Variants in FGF12 observed in about 807,000 individuals in gnomAD.
FGF12 encodes fibroblast growth factor 12B.
FGF12 carries 14 observed loss-of-function variants against 23.6 expected under a neutral mutation model. The ratio of observed to expected loss-of-function variants is 0.59; its 90% CI spans 0.39 to 0.93. The LOEUF (loss-of-function observed/expected upper bound fraction) is 0.93, where lower values mean the gene tolerates loss of function less well. Ranked by LOEUF, FGF12 falls within the 40% of genes least tolerant of loss-of-function variation. The pLI, the probability that FGF12 is intolerant of heterozygous loss-of-function variation, is 0.00. For synonymous variants in FGF12, 62 were observed against 77.3 expected (o/e 0.80, Z 1.04); for missense variants, 175 against 217.8 (o/e 0.80, Z 1.24).
At chr3:192,347,683 G>A (rs948777107) in intron 3 of FGF12, among the ~76,000 whole-genome samples, 3 of 152,118 alleles carry the variant, frequency 2.0e-5, no homozygotes, top group Non-Finnish European at 4.4e-5. Context: ...AGAAAAGAAG[G>A]TTGGTCTAAG....
chr3:192,229,652 T>A (rs1363381103), intron 4 of FGF12, among the ~76,000 whole-genome samples: 1 of 152,078 alleles, frequency 6.6e-6, no homozygotes, highest in Non-Finnish European at 1.5e-5. Flanking sequence ...TTATGTAGTT[T>A]AAAATGAGGT....
chr3:192,170,833 C>T (rs1257590906), intron 4 of FGF12, among the ~76,000 whole-genome samples, 177 bp from the exon 5 acceptor site: 10 of 152,170 alleles, frequency 6.6e-5, no homozygotes, highest in African/African-American at 2.2e-4. Context: ...AATCAAAAAA[C>T]ATGATTGCCT....
At chr3:192,250,661 CA>C (rs1263911450) in intron 4 of FGF12, among the ~76,000 whole-genome samples, 2 of 151,746 alleles carry the variant, frequency 1.3e-5, no homozygotes, top group Non-Finnish European at 2.9e-5. Flanking sequence ...ATTTATCAAA[CA>C]AAAAATAGAG....
intron 2 of FGF12, among the ~76,000 whole-genome samples, chr3:192,482,362 G>C (rs1177945499): frequency 6.6e-6 from 1 of 152,154 alleles, no homozygotes; most frequent in Non-Finnish European, 1.5e-5. Context: ...AGCCGGACGT[G>C]GTGGCTCATG....
At chr3:192,574,664 AT>A (rs746323809) in intron 2 of FGF12, among the ~76,000 whole-genome samples, 1 of 152,236 alleles carries the variant, frequency 6.6e-6, no homozygotes, top group East Asian at 1.9e-4. Context: ...TTAGCCTAAA[AT>A]TTAAGAACCT....
At chr3:192,217,222 G>A (rs1718236230) in intron 4 of FGF12, among the ~76,000 whole-genome samples, 1 of 152,170 alleles carries the variant, frequency 6.6e-6, no homozygotes, top group Non-Finnish European at 1.5e-5. Context: ...CTTGTTTTGA[G>A]GATAAAACGA....
At chr3:192,301,875 C>T (rs1214222077) in intron 4 of FGF12, among the ~76,000 whole-genome samples, 1 of 152,114 alleles carries the variant, frequency 6.6e-6, no homozygotes, top group Non-Finnish European at 1.5e-5. Flanking sequence ...AGGAGGCAAA[C>T]TTTCGCCATC....
intron 2 of FGF12, among the ~76,000 whole-genome samples, chr3:192,618,234 T>C (rs1031380780): frequency 2.0e-5 from 3 of 147,106 alleles, no homozygotes; most frequent in Non-Finnish European, 3.0e-5. Flanking sequence ...TATAAAGAGA[T>C]ATCATGGGGA....
intron 2 of FGF12, among the ~76,000 whole-genome samples, chr3:192,370,735 A>G (rs543609774): frequency 7.2e-5 from 11 of 152,312 alleles, no homozygotes; most frequent in African/African-American, 2.6e-4. Flanking sequence ...ATTCCATATA[A>G]GAAGGACCTT....
chr3:192,658,567 T>G (rs1429455134), intron 2 of FGF12, among the ~76,000 whole-genome samples: 2 of 152,166 alleles, frequency 1.3e-5, no homozygotes, highest in African/African-American at 2.4e-5. Context: ...AGCTTTACCC[T>G]AGAAAGCAGG....
At chr3:192,564,821 T>C (rs1343409979) in intron 2 of FGF12, among the ~76,000 whole-genome samples, 2 of 152,184 alleles carry the variant, frequency 1.3e-5, no homozygotes, top group African/African-American at 4.8e-5. Flanking sequence ...AAATGAAAGA[T>C]TAGAGGAGAA....
In FGF12 at chr3:192,408,975, G is replaced by A. The variant is rs1576959930; in HGVS notation, c.14-48437C>T. 5.1e-6 allele frequency: 5 copies of A among 984,264 alleles called. No homozygotes were observed. The highest frequency in any genetic ancestry group is 6.0e-6 in the Non-Finnish European group (5 of 829,386). 61.0% of individuals were successfully genotyped at this position (984,264 alleles called of 1,614,324 possible). A position where few individuals can be genotyped will look rare whatever the true frequency, so the allele number is the denominator to read the frequency against. ...AGGCGCGAAGTGGGAGCGGTTACCCGGAGTCTGGGTAGGGGCGCGGGGCGG... is the reference window on the plus strand; with the variant it reads ...AGGCGCGAAGTGGGAGCGGTTACCCAGAGTCTGGGTAGGGGCGCGGGGCGG... On this transcript the variant is annotated intron_variant, in intron 2 of 5. Transcript: ENST00000445105. The surrounding 1 kb of genome is among the most constrained non-coding windows in gnomAD (Gnocchi z 7.3).
At chr3:192,405,999 T>C (rs570814959) in intron 2 of FGF12, among the ~76,000 whole-genome samples, 4 of 152,324 alleles carry the variant, frequency 2.6e-5, no homozygotes, top group South Asian at 2.1e-4. Context: ...GATTGTTATT[T>C]TGACACTTTA....
chr3:192,463,804 T>C (rs1722930334), intron 2 of FGF12, among the ~76,000 whole-genome samples: 1 of 152,158 alleles, frequency 6.6e-6, no homozygotes, highest in Non-Finnish European at 1.5e-5. Context: ...CTGGTATTCA[T>C]CTGTTTTGTT....
chr3:192,436,119 G>A (rs1024569409), intron 2 of FGF12, among the ~76,000 whole-genome samples: 2 of 152,108 alleles, frequency 1.3e-5, no homozygotes, highest in Non-Finnish European at 2.9e-5. Context: ...ACAGAAGAAC[G>A]TGACCTCAGG....
At chr3:192,373,469 AT>A (rs1259475998) in intron 2 of FGF12, among the ~76,000 whole-genome samples, 2 of 152,152 alleles carry the variant, frequency 1.3e-5, no homozygotes, top group South Asian at 2.1e-4. Context: ...TGGAGAAAAC[AT>A]TTTTAATAGA....
chr3:192,260,155 G>GTTTC (rs1405072895), intron 4 of FGF12, among the ~76,000 whole-genome samples: 1 of 152,066 alleles, frequency 6.6e-6, no homozygotes, highest in Non-Finnish European at 1.5e-5. Flanking sequence ...CCTATGCCTA[G>GTTTC]CAAACTAGTT....
intron 2 of FGF12, among the ~76,000 whole-genome samples, chr3:192,599,685 A>G (rs2108629954): frequency 6.6e-6 from 1 of 152,264 alleles, no homozygotes; most frequent in South Asian, 2.1e-4. Flanking sequence ...TGAGACAATC[A>G]TAGTCTAGCA....
At chr3:192,345,632 A>G (rs1413575993) in intron 3 of FGF12, among the ~76,000 whole-genome samples, 1 of 42,814 alleles carries the variant, frequency 2.3e-5, no homozygotes, top group Non-Finnish European at 3.4e-5. Flanking sequence ...GCTTGCAGTG[A>G]GCCGAGATCG....
Sources: gnomAD v4.1 joint callset for allele counts (sites outside exome capture counted in the v4.1 genomes callset) on GRCh38, gnomAD v4.1.1 for gene constraint, Gnocchi (gnomAD v3.1) non-coding constraint, MANE v1.5 for transcripts, NCBI Gene and HGNC (gene_info 2026-07-23, HGNC 2026-07-21) for gene names.